CALB2: variants seen among roughly 807,000 people sequenced by gnomAD.
CALB2 encodes the protein calretinin.
In CALB2, 34 loss-of-function variants were observed where a neutral mutation model predicts 45.9. The ratio of observed to expected loss-of-function variants is 0.74; its 90% CI spans 0.56 to 0.99. CALB2 has a LOEUF of 0.99. CALB2 is among the 50% of genes least tolerant of loss of function. The pLI, the probability that CALB2 is intolerant of heterozygous loss-of-function variation, is 0.00. For missense variants in CALB2, 344 were observed against 339.3 expected (o/e 1.01, Z -0.11); for synonymous variants, 142 against 129.6 (o/e 1.10, Z -0.65).
At position 71,384,034 on chromosome 16, in the gene CALB2, C is replaced by T. The variant is rs546786978; in HGVS notation, c.533+9C>T. On this transcript the variant is annotated intron_variant, in intron 7 of 10. Coordinates refer to ENST00000302628, the MANE Select transcript of CALB2 (RefSeq NM_001740.5). ...CTCTCAGAGATGTCCCGGTAAGCAC[C>T]TCACCCCCGGGGTCACTGATACTGG... 3 of 1,613,500 alleles carry T rather than the reference C, an allele frequency of 1.9e-6. No individual in the cohort carries two copies. The highest frequency in any genetic ancestry group is 1.1e-5 in the South Asian group (1 of 91,072).
intron 4 of CALB2, among the ~76,000 whole-genome samples, chr16:71,381,716 T>C (rs1465778513): frequency 6.6e-6 from 1 of 151,522 alleles, no homozygotes; most frequent in Non-Finnish European, 1.5e-5. Flanking sequence ...GAACAAAACT[T>C]GAAAGAAAAT....
chr16:71,380,527 C>CA (rs2042478956), intron 4 of CALB2, among the ~76,000 whole-genome samples: 1 of 152,048 alleles, frequency 6.6e-6, no homozygotes, highest in Admixed American at 6.5e-5. Context: ...AGGCTGGTCT[C>CA]AAACTCCCGA....
At chr16:71,372,258 G>A (rs766348153) in intron 2 of CALB2, 29 bp downstream of exon 2, 32 of 1,554,732 alleles carry the variant, frequency 2.1e-5, no homozygotes, top group Non-Finnish European at 2.8e-5. Context: ...CCGATTGTGT[G>A]GGATTTTCCT....
intron 1 of CALB2, among the ~76,000 whole-genome samples, chr16:71,360,443 G>C (rs2042227354): frequency 6.6e-6 from 1 of 152,164 alleles, no homozygotes; most frequent in Non-Finnish European, 1.5e-5. Flanking sequence ...CCCAGCTCCT[G>C]CCATAAAATT....
At chr16:71,386,506 G>A (rs1434885614) in intron 10 of CALB2, among the ~76,000 whole-genome samples, 1 of 152,178 alleles carries the variant, frequency 6.6e-6, no homozygotes, top group Non-Finnish European at 1.5e-5. Context: ...GCAAAGAAGT[G>A]AACTCCATTA....
Position 71,368,439 on chromosome 16 carries a change from A to G in CALB2, c.95-3714A>G, listed in dbSNP as rs73571839. Among the ~76,000 whole-genome samples the G allele has an allele frequency of 3.5e-3, 536 of 152,324 alleles. 4 individuals are homozygous for G. The highest frequency in any genetic ancestry group is 0.012 in the African/African-American group (480 of 41,584). On this transcript the variant is annotated intron_variant, in intron 1 of 10. Coordinates refer to ENST00000302628, the MANE Select transcript of CALB2 (RefSeq NM_001740.5). Reference sequence around the variant, plus strand: ...TGGGAGGACGGCTTGAACCCAGGACATTAGGCTGCACTGAGCCGTGATCCA... The same window carrying G: ...TGGGAGGACGGCTTGAACCCAGGACGTTAGGCTGCACTGAGCCGTGATCCA...
At chr16:71,385,230 C>G in intron 9 of CALB2, 1 of 342,508 alleles carries the variant, frequency 2.9e-6, no homozygotes, top group Non-Finnish European at 5.4e-6. Context: ...GGGCTGTCCC[C>G]TGCCCACATG....
At chr16:71,359,351 C>T (rs1469857201) in intron 1 of CALB2, among the ~76,000 whole-genome samples, 1 of 152,204 alleles carries the variant, frequency 6.6e-6, no homozygotes, top group African/African-American at 2.4e-5. Flanking sequence ...GAAACGTGGC[C>T]TCCCCAGCTT....
At chr16:71,372,021 G>A (rs898722855) in intron 1 of CALB2, 132 bp from the exon 2 acceptor site, 14 of 689,264 alleles carry the variant, frequency 2.0e-5, no homozygotes, top group Non-Finnish European at 3.1e-5. Flanking sequence ...CACACCCCTA[G>A]CTCCACTGGC....
At chr16:71,364,116 G>T (rs755335428) in intron 1 of CALB2, among the ~76,000 whole-genome samples, 3 of 152,124 alleles carry the variant, frequency 2.0e-5, no homozygotes, top group African/African-American at 4.8e-5. Context: ...GCAGCTCTAC[G>T]CTGGGTACCT....
At chr16:71,377,459 A>G (rs569387795) in intron 3 of CALB2, among the ~76,000 whole-genome samples, 31 of 152,098 alleles carry the variant, frequency 2.0e-4, no homozygotes, top group Non-Finnish European at 3.7e-4. Flanking sequence ...CTCATCCCTT[A>G]AGGTTGGGAC....
Position 71,390,137 on chromosome 16 carries a change from C to A in CALB2, c.*272C>A, listed in dbSNP as rs75200768. The A allele has an allele frequency of 2.5e-6, 1 of 392,522 alleles. No homozygotes were observed. Among genetic ancestry groups the A allele is most frequent in the African/African-American group, 2.0e-5 (1 of 50,072 alleles). The allele number at this position is 392,522 out of a possible 1,614,324, so 24.3% of individuals were successfully genotyped here. ...TGGGTGGAGGGTCCCTAATTCTCTT[C>A]GCTGTGATGCATGAGCTCCCTCGCT... On this transcript the variant is annotated 3_prime_UTR_variant, in exon 11 of 11. Coordinates refer to ENST00000302628, the MANE Select transcript of CALB2 (RefSeq NM_001740.5).
intron 1 of CALB2, among the ~76,000 whole-genome samples, chr16:71,366,171 T>G (rs2042285519): frequency 6.8e-6 from 1 of 146,352 alleles, no homozygotes; most frequent in Non-Finnish European, 1.5e-5. Context: ...GGACTACGTG[T>G]GCCCGCTACC....
chr16:71,389,802 A>G lies in CALB2; in HGVS notation c.753A>G (p.Ala251=). Residue 251 remains alanine, a synonymous_variant, in exon 11 of 11, where the codon GCA becomes GCG. Coordinates refer to ENST00000302628, the MANE Select transcript of CALB2 (RefSeq NM_001740.5). ...TNYRKSVMSL[A]EAGKLYRKDL... is the part of the protein sequence containing the mutation. ...ACAGAAAGAGCGTCATGTCCTTGGCAGAGGCAGGGAAGCTCTACCGCAAGG... is the reference window on the plus strand; with the variant it reads ...ACAGAAAGAGCGTCATGTCCTTGGCGGAGGCAGGGAAGCTCTACCGCAAGG... The G allele has an allele frequency of 6.2e-7, 1 of 1,614,082 alleles. No individual in the cohort carries two copies. Among genetic ancestry groups the G allele is most frequent in the Middle Eastern group, 1.7e-4 (1 of 6,060 alleles).
At chr16:71,384,473 C>T in intron 8 of CALB2, 95 bp downstream of exon 8, 1 of 919,888 alleles carries the variant, frequency 1.1e-6, no homozygotes, top group South Asian at 1.3e-5. Flanking sequence ...CAACACACTA[C>T]ACACACCCAC....
chr16:71,381,627 C>T (rs1414908442), intron 4 of CALB2, among the ~76,000 whole-genome samples: 1 of 152,146 alleles, frequency 6.6e-6, no homozygotes, highest in Non-Finnish European at 1.5e-5. Context: ...TTAGTGGTTG[C>T]TGGCTCCCAG....
chr16:71,390,143 G>A lies in CALB2; in HGVS notation c.*278G>A. ...GAGGGTCCCTAATTCTCTTCGCTGTGATGCATGAGCTCCCTCGCTGTATGA... is the reference window on the plus strand; with the variant it reads ...GAGGGTCCCTAATTCTCTTCGCTGTAATGCATGAGCTCCCTCGCTGTATGA... On this transcript the variant is annotated 3_prime_UTR_variant, in exon 11 of 11. Transcript: ENST00000302628. The A allele has an allele frequency of 2.6e-6, 1 of 385,074 alleles. No homozygotes were observed. The highest frequency in any genetic ancestry group is 4.8e-6 in the Non-Finnish European group (1 of 210,494). The allele number at this position is 385,074 out of a possible 1,614,324, so 23.9% of individuals were successfully genotyped here.
chr16:71,358,784 C>T lies in CALB2; in HGVS notation c.-9C>T. The T allele has an allele frequency of 6.3e-7, 1 of 1,599,752 alleles. No homozygotes were observed. The highest frequency in any genetic ancestry group is 8.5e-7 in the Non-Finnish European group (1 of 1,174,354). ...AGCGGTGCAGGCTGAGGTCTCCGAG[C>T]GGCTCGCCATGGCTGGCCCGCAGCA... is the stretch of plus-strand genomic sequence containing the variant. On this transcript the variant is annotated 5_prime_UTR_variant, in exon 1 of 11. Coordinates refer to ENST00000302628, the MANE Select transcript of CALB2 (RefSeq NM_001740.5).
At chr16:71,369,481 C>T (rs981250578) in intron 1 of CALB2, among the ~76,000 whole-genome samples, 1 of 152,166 alleles carries the variant, frequency 6.6e-6, no homozygotes, top group Non-Finnish European at 1.5e-5. Context: ...AGAGGGATGA[C>T]GGACCCTGTT....
Sources: gnomAD v4.1 joint callset for allele counts (sites outside exome capture counted in the v4.1 genomes callset) on GRCh38, gnomAD v4.1.1 for gene constraint, MANE v1.5 for transcripts, NCBI Gene and HGNC (gene_info 2026-07-23, HGNC 2026-07-21) for gene names.